ARPP21: variants seen among roughly 807,000 people sequenced by gnomAD.
ARPP21 encodes cAMP-regulated phosphoprotein 21.
In ARPP21, 69 loss-of-function variants were observed where a neutral mutation model predicts 113.2. That is an observed-to-expected ratio of 0.61 (90% CI 0.50 to 0.74). The LOEUF is 0.74. Among genes scored for constraint, ARPP21 ranks in the 30% least tolerant of loss-of-function variants. The probability of loss-of-function intolerance (pLI) is 0.00; values close to 1 mark genes in which losing one functional copy is unlikely to be tolerated. For missense variants in ARPP21, 1,070 were observed against 1,037.4 expected (o/e 1.03, Z -0.43); for synonymous variants, 368 against 375.5 (o/e 0.98, Z 0.23).
chr3:35,702,699 C>T (rs536930412), intron 9 of ARPP21, among the ~76,000 whole-genome samples: 11 of 151,804 alleles, frequency 7.2e-5, no homozygotes, highest in African/African-American at 2.7e-4. Flanking sequence ...TAATAAAGAA[C>T]ATTGGCTACT....
chr3:35,661,818 A>G (rs1251089350), intron 1 of ARPP21, among the ~76,000 whole-genome samples: 1 of 152,168 alleles, frequency 6.6e-6, no homozygotes. Flanking sequence ...TTCCATGTGT[A>G]TAAAGGAGAC....
At chr3:35,716,847 G>T (rs1013206245) in intron 12 of ARPP21, among the ~76,000 whole-genome samples, 1 of 151,684 alleles carries the variant, frequency 6.6e-6, no homozygotes. Flanking sequence ...CTTCTCTTTA[G>T]GTTAACAGGT....
intron 1 of ARPP21, among the ~76,000 whole-genome samples, chr3:35,673,547 A>G (rs1331773634): frequency 6.6e-6 from 1 of 152,032 alleles, no homozygotes; most frequent in Admixed American, 6.6e-5. Context: ...GGTAGCAAAT[A>G]CAAAGTATTG....
chr3:35,793,593 T>A (rs1287729187), intron 20 of ARPP21, 108 bp from the exon 21 acceptor site: 3 of 746,772 alleles, frequency 4.0e-6, no homozygotes, highest in Non-Finnish European at 7.1e-6. Flanking sequence ...ATTGATGACC[T>A]GTTAGGTCTA....
intron 13 of ARPP21, among the ~76,000 whole-genome samples, chr3:35,719,207 C>T (rs918663492): frequency 3.3e-5 from 5 of 152,120 alleles, no homozygotes. Flanking sequence ...TACTGGACCG[C>T]ACTTCAACAC....
chr3:35,672,890 A>C (rs531337380), intron 1 of ARPP21, among the ~76,000 whole-genome samples: 13 of 152,166 alleles, frequency 8.5e-5, no homozygotes, highest in African/African-American at 2.4e-4. Flanking sequence ...TGTGAGGATA[A>C]GATGTAATAA....
At chr3:35,723,685 G>A (rs1014742432) in intron 14 of ARPP21, among the ~76,000 whole-genome samples, 1 of 152,284 alleles carries the variant, frequency 6.6e-6, no homozygotes, top group South Asian at 2.1e-4. Context: ...CATTCTTCAT[G>A]CACCAACCCC....
At chr3:35,767,248 G>A (rs566708795) in intron 19 of ARPP21, among the ~76,000 whole-genome samples, 18 of 151,968 alleles carry the variant, frequency 1.2e-4, no homozygotes, top group Non-Finnish European at 1.8e-4. Flanking sequence ...TTTATTTCAC[G>A]ATGACCAAAC....
rs58979951 is a variant in ARPP21 at position 35,657,523 on chromosome 3, C to G, written c.-213+17125C>G. On this transcript the variant is annotated intron_variant, in intron 1 of 20. Transcript: ENST00000684406. ...TGGCAACTCTGTGTGAAGTACTTTT[C>G]TGAGTACTTTATGTATATTAATGTG... is the stretch of plus-strand genomic sequence containing the variant. Among the ~76,000 whole-genome samples, 50 of 152,216 alleles carry G rather than the reference C, an allele frequency of 3.3e-4. No individual in the cohort carries two copies. The East Asian group carries it at 6.0e-3, about 18-fold the overall frequency.
intron 1 of ARPP21, among the ~76,000 whole-genome samples, chr3:35,660,233 C>T (rs1707071624): frequency 6.6e-6 from 1 of 152,070 alleles, no homozygotes; most frequent in Non-Finnish European, 1.5e-5. Context: ...TTTCCATTTC[C>T]TCCAGGAGAA....
chr3:35,743,792 A>C (rs552303782), intron 18 of ARPP21, 47 bp from the exon 19 acceptor site: 1 of 1,593,056 alleles, frequency 6.3e-7, no homozygotes, highest in East Asian at 2.2e-5. Context: ...AAAAATTTAC[A>C]TTATCTACAT....
chr3:35,736,778 G>A (rs1353384240), intron 15 of ARPP21, among the ~76,000 whole-genome samples: 1 of 152,186 alleles, frequency 6.6e-6, no homozygotes, highest in Non-Finnish European at 1.5e-5. Context: ...AGCTGGAGGT[G>A]TGTAACTGGA....
chr3:35,754,950 G>T (rs963925409), intron 19 of ARPP21, among the ~76,000 whole-genome samples: 19 of 152,048 alleles, frequency 1.2e-4, no homozygotes, highest in African/African-American at 4.3e-4. Flanking sequence ...GAAAGAAAAA[G>T]GAGATTTGGA....
At chr3:35,714,471 GTC>G (rs2092026741) in intron 11 of ARPP21, among the ~76,000 whole-genome samples, 1 of 152,126 alleles carries the variant, frequency 6.6e-6, no homozygotes, top group Admixed American at 6.5e-5. Flanking sequence ...GACCTGTTAA[GTC>G]TCTATTTATT....
intron 9 of ARPP21, among the ~76,000 whole-genome samples, chr3:35,693,421 A>G (rs1019661331): frequency 2.0e-5 from 3 of 151,486 alleles, no homozygotes; most frequent in African/African-American, 7.3e-5. Context: ...TTCATCCTCT[A>G]TTTGAGTAGT....
intron 16 of ARPP21, 119 bp from the exon 17 acceptor site, chr3:35,738,095 A>G (rs2094464106): frequency 4.9e-6 from 3 of 611,688 alleles, no homozygotes; most frequent in African/African-American, 1.8e-5. Flanking sequence ...TTTGGTGGCT[A>G]GTTCCCCTCT....
intron 5 of ARPP21, chr3:35,684,959 C>G (rs914041167): frequency 3.0e-6 from 3 of 984,088 alleles, no homozygotes; most frequent in Non-Finnish European, 3.6e-6. Flanking sequence ...TTGTGCTTCT[C>G]TTTTTAATGG....
intron 14 of ARPP21, among the ~76,000 whole-genome samples, chr3:35,727,228 G>A (rs919572440): frequency 6.6e-6 from 1 of 152,122 alleles, no homozygotes; most frequent in Non-Finnish European, 1.5e-5. Flanking sequence ...CATGGTATAT[G>A]CATACGTACA....
At chr3:35,667,874 G>A (rs1363279104) in intron 1 of ARPP21, among the ~76,000 whole-genome samples, 1 of 135,634 alleles carries the variant, frequency 7.4e-6, no homozygotes, top group African/African-American at 3.2e-5. Context: ...AGAAGAAGAA[G>A]AAGAAGAAGA....
Sources: allele counts gnomAD v4.1 joint callset (sites outside exome capture counted in the v4.1 genomes callset), GRCh38; gene constraint gnomAD v4.1.1; transcripts MANE v1.5; gene names NCBI Gene and HGNC (gene_info 2026-07-23, HGNC 2026-07-21).